The following ARHGEF11 variants were observed in gnomAD, a reference collection of about 807,000 sequenced individuals.
ARHGEF11 encodes Rho guanine nucleotide exchange factor 11, also known as Rho guanine exchange factor (GEF) 11.
ARHGEF11 carries 55 observed loss-of-function variants against 193.7 expected under a neutral mutation model. That is an observed-to-expected ratio of 0.28 (90% confidence interval 0.23 to 0.36). The LOEUF is 0.36. ARHGEF11 is among the 10% of genes least tolerant of loss of function. The probability of loss-of-function intolerance (pLI) is 1.00; values close to 1 mark genes in which losing one functional copy is unlikely to be tolerated. For missense variants in ARHGEF11, 1,723 were observed against 2,005.6 expected (o/e 0.86, Z 2.69); for synonymous variants, 693 against 768.0 (o/e 0.90, Z 1.62).
intron 38 of ARHGEF11, 97 bp from the exon 39 acceptor site, chr1:156,937,593 G>A (rs1377211953): frequency 2.2e-6 from 3 of 1,337,130 alleles, no homozygotes; most frequent in Non-Finnish European, 3.1e-6. Flanking sequence ...TGACAGAGCA[G>A]GCCAGGCAGT....
intron 1 of ARHGEF11, among the ~76,000 whole-genome samples, chr1:157,024,968 G>A (rs1314334649): frequency 6.6e-6 from 1 of 152,194 alleles, no homozygotes; most frequent in African/African-American, 2.4e-5. Flanking sequence ...CACCTGGAAT[G>A]ACTATTACTT....
chr1:156,955,949 C>G, intron 19 of ARHGEF11, 150 bp from the exon 20 acceptor site: 1 of 705,740 alleles, frequency 1.4e-6, no homozygotes, highest in Admixed American at 2.0e-5. Flanking sequence ...ATGTTCGCCT[C>G]TGGCCTGGGT....
At position 156,979,197 on chromosome 1, in the gene ARHGEF11, C is replaced by T. The variant is rs768321571; in HGVS notation, c.331+32G>A. On this transcript the variant is annotated intron_variant, in intron 5 of 40. Transcript: ENST00000368194. ...TCCTCCCTCTCGGATCATCTGCTTC[C>T]CTACTTTAGTTGTCACCTCTCTCCA... 1.9e-6 allele frequency: 3 copies of T among 1,608,040 alleles called. No homozygotes were observed. The South Asian group carries it at 3.3e-5, about 18-fold the overall frequency.
chr1:156,977,167 T>C, intron 6 of ARHGEF11, 113 bp from the exon 7 acceptor site: 1 of 909,424 alleles, frequency 1.1e-6, no homozygotes, highest in Non-Finnish European at 1.8e-6. Flanking sequence ...GCCTGGATCA[T>C]AAGTATGTTT....
At chr1:156,937,541 G>A (rs1249479998) in intron 38 of ARHGEF11, 45 bp from the exon 39 acceptor site, 3 of 1,499,018 alleles carry the variant, frequency 2.0e-6, no homozygotes, top group Admixed American at 4.7e-5. Flanking sequence ...AAACAGAGAA[G>A]TCGAAGCTAT....
At chr1:156,979,352 A>C in intron 4 of ARHGEF11, 66 bp from the exon 5 acceptor site, 4 of 1,245,534 alleles carry the variant, frequency 3.2e-6, no homozygotes, top group Non-Finnish European at 4.5e-6. Flanking sequence ...CTGTAAGTTC[A>C]AAATGCCACT....
Position 156,941,433 on chromosome 1 carries a change from C to G in ARHGEF11, c.3453G>C (p.Arg1151Ser). 6.2e-7 allele frequency: 1 copy of G among 1,613,668 alleles called. No homozygotes were observed. Among genetic ancestry groups the G allele is most frequent in the Non-Finnish European group, 8.5e-7 (1 of 1,179,728 alleles). Residue 1151 changes from arginine (R) to serine (S), a missense_variant and splice_region_variant, in exon 35 of 41, where the codon AGG becomes AGC. This residue lies in a region of ARHGEF11 where 203 missense variants were observed against 237.3 expected (regional missense o/e 0.86). Coordinates refer to ENST00000368194, the MANE Select transcript of ARHGEF11 (RefSeq NM_198236.3). ...EPAQQGPTPS[R>S]VELDDSDVFH... is the part of the protein sequence containing the mutation. ...ACACGTCTGAGTCATCCAGTTCTACCCTGAGGAAGGAAACCAACACAGGAT... is the reference window on the plus strand; with the variant it reads ...ACACGTCTGAGTCATCCAGTTCTACGCTGAGGAAGGAAACCAACACAGGAT...
At chr1:156,990,310 G>A (rs1254942558) in intron 1 of ARHGEF11, among the ~76,000 whole-genome samples, 2 of 152,310 alleles carry the variant, frequency 1.3e-5, no homozygotes, top group African/African-American at 4.8e-5. Context: ...TATAAGTGAT[G>A]TTGGATAGCT....
chr1:156,988,785 T>G (rs539052680), intron 1 of ARHGEF11, among the ~76,000 whole-genome samples: 1 of 152,152 alleles, frequency 6.6e-6, no homozygotes, highest in South Asian at 2.1e-4. Context: ...GTAAGTATAC[T>G]TGCAACAGAT....
At chr1:156,936,670 C>G in intron 40 of ARHGEF11, 146 bp downstream of exon 40, 1 of 981,950 alleles carries the variant, frequency 1.0e-6, no homozygotes, top group Non-Finnish European at 1.5e-6. Flanking sequence ...AAAGATCCCT[C>G]TCTGAAGCTG....
rs1352429785 is a variant in ARHGEF11 at position 156,948,887 on chromosome 1, C to T, written c.1926-389G>A. On this transcript the variant is annotated intron_variant, in intron 22 of 40. Coordinates refer to ENST00000368194, the MANE Select transcript of ARHGEF11 (RefSeq NM_198236.3). This position sits in a 1 kb window ranked among gnomAD's most constrained non-coding sequence, Gnocchi z 4.2. ...TCCCTCAACAGGGAACACAAGGTCC[C>T]AGCTCCCTGCCCCTAGTGGCCAGTT... 8.1e-6 allele frequency: 8 copies of T among 985,306 alleles called. No homozygotes were observed. Among genetic ancestry groups the T allele is most frequent in the Non-Finnish European group, 8.4e-6 (7 of 829,928 alleles). 61.0% of individuals were successfully genotyped at this position (985,306 alleles called of 1,614,324 possible).
intron 21 of ARHGEF11, among the ~76,000 whole-genome samples, chr1:156,954,616 C>T (rs116438455): frequency 6.6e-6 from 1 of 152,196 alleles, no homozygotes; most frequent in South Asian, 2.1e-4. Context: ...GCTGTCCCTG[C>T]AGGAGAAGGG....
chr1:157,033,090 G>A (rs1447215350), intron 1 of ARHGEF11, among the ~76,000 whole-genome samples: 1 of 152,060 alleles, frequency 6.6e-6, no homozygotes, highest in Non-Finnish European at 1.5e-5. Context: ...ACCTGCTAAT[G>A]TGATTCTCTA....
At chr1:157,046,837 C>CCA (rs1380731443), upstream of ARHGEF11, among the ~76,000 whole-genome samples, 9 of 151,340 alleles carry the variant, frequency 5.9e-5, no homozygotes, top group Admixed American at 2.0e-4. Context: ...TGGTGAAACC[C>CCA]CCCCCCTCTA....
In ARHGEF11 at chr1:156,963,254, G is replaced by A; in HGVS notation, c.1089C>T (p.His363=). 1 of 1,614,200 alleles carries A rather than the reference G, an allele frequency of 6.2e-7. No homozygotes were observed. Residue 363 remains histidine (H), a synonymous_variant, in exon 13 of 41, where the codon CAC becomes CAT. Transcript: ENST00000368194. ...DLEKLKSRPA[H]LGVFLRYIFS... ...AGATGTAACGTAGAAAAACCCCCAG[G>A]TGAGCTGGCCGAGACTTCAGTTTCT...
chr1:157,016,934 C>T (rs1333834952), intron 1 of ARHGEF11, among the ~76,000 whole-genome samples: 1 of 152,090 alleles, frequency 6.6e-6, no homozygotes, highest in African/African-American at 2.4e-5. Flanking sequence ...ACCTCAGCCC[C>T]CAAGTAGCTG....
intron 11 of ARHGEF11, among the ~76,000 whole-genome samples, chr1:156,964,413 T>C (rs933818626): frequency 6.6e-6 from 1 of 152,242 alleles, no homozygotes; most frequent in African/African-American, 2.4e-5. Flanking sequence ...CTCAATTTGA[T>C]ATTTTTCATT....
Position 156,936,743 on chromosome 1 carries a change from A to C in ARHGEF11, c.4630+73T>G. The stretch of plus-strand genomic sequence containing the variant: ...TCAGAACCACCATCTCTCACTGCTT[A>C]GTGATGTGTCCTCACGAGTTGGCAG... On this transcript the variant is annotated intron_variant, in intron 40 of 40. Transcript: ENST00000368194. 3.3e-6 allele frequency: 5 copies of C among 1,498,562 alleles called. No individual in the cohort carries two copies. The Middle Eastern group carries it at 6.7e-4, about 199-fold the overall frequency. The allele number at this position is 1,498,562 out of a possible 1,614,324, so 92.8% of individuals were successfully genotyped here.
Position 156,969,342 on chromosome 1 carries a change from A to T in ARHGEF11, c.765T>A (p.Asp255Glu). The T allele has an allele frequency of 6.2e-7, 1 of 1,608,858 alleles. No individual in the cohort carries two copies. The highest frequency in any genetic ancestry group is 8.5e-7 in the Non-Finnish European group (1 of 1,177,484). The change falls in exon 10 of 41, where the codon GAT (aspartate) becomes GAA (glutamate). Residue 255 changes from aspartate to glutamate, a missense_variant. Coordinates refer to ENST00000368194, the MANE Select transcript of ARHGEF11 (RefSeq NM_198236.3). ...CCAAGCCACTGTCCCCCTCCTGGGA[A>T]TCCAGAGAGAGCCGGCCTGAGAAGA... ...QRPSEGRLSL[D>E]SQEGDSGLDS...
Sources: gnomAD v4.1 joint callset for allele counts (sites outside exome capture counted in the v4.1 genomes callset) on GRCh38, gnomAD v4.1.1 for gene constraint, gnomAD v4.1.1 regional missense constraint, Gnocchi (gnomAD v3.1) non-coding constraint, MANE v1.5 for transcripts, NCBI Gene and HGNC (gene_info 2026-07-23, HGNC 2026-07-21) for gene names.